Variants in CDPF1 observed in about 807,000 individuals in gnomAD.
The protein encoded by CDPF1 is cysteine-rich DPF motif domain-containing protein 1.
In CDPF1, 8 loss-of-function variants were observed where a neutral mutation model predicts 8.3. The ratio of observed to expected loss-of-function variants is 0.96; its 90% confidence interval spans 0.57 to 1.74. The LOEUF is 1.74. Among genes scored for constraint, CDPF1 ranks in the 40% most tolerant of loss-of-function variants. CDPF1 has a pLI of 0.00. For synonymous variants in CDPF1, 62 were observed against 62.9 expected (o/e 0.99, Z 0.07); for missense variants, 151 against 155.3 (o/e 0.97, Z 0.15).
In CDPF1 at chr22:46,248,411, T is replaced by G; in HGVS notation, c.1-127A>C. 1.7e-6 allele frequency: 1 copy of G among 594,262 alleles called. No individual in the cohort carries two copies. The highest frequency in any genetic ancestry group is 2.1e-5 in the South Asian group (1 of 47,124). 36.8% of individuals were successfully genotyped at this position (594,262 alleles called of 1,614,324 possible). ...TTTCTTGCCTCCCTACCGTACCCTT[T>G]TCTCTATCCCCAGCTGAAACAGGTT... On this transcript the variant is annotated intron_variant, in intron 1 of 3. Transcript: ENST00000314567. This position sits in a 1 kb window ranked among gnomAD's most constrained non-coding sequence, Gnocchi z 4.1.
Position 46,245,248 on chromosome 22 carries a change from G to A in CDPF1, c.226-10C>T. 6.2e-7 allele frequency: 1 copy of A among 1,613,716 alleles called. No individual in the cohort carries two copies. Among genetic ancestry groups the A allele is most frequent in the Non-Finnish European group, 8.5e-7 (1 of 1,179,678 alleles). On this transcript the variant is annotated splice_polypyrimidine_tract_variant and intron_variant, in intron 3 of 3. Transcript: ENST00000314567. The surrounding 1 kb of genome is among the most constrained non-coding windows in gnomAD (Gnocchi z 6.9). Reference sequence around the variant, plus strand: ...AGAATAAACTGCATTCCTTAAAGAAGTGGACAAGGATGGAGGCTTGAGTAT... The same window carrying A: ...AGAATAAACTGCATTCCTTAAAGAAATGGACAAGGATGGAGGCTTGAGTAT...
At position 46,245,323 on chromosome 22, in the gene CDPF1, G is replaced by C; in HGVS notation, c.226-85C>G. ...CCAGGGGCCAGCCCTTCCCACACTT[G>C]GGGGGCTGGGCTGGGGCCCCAGCAT... On this transcript the variant is annotated intron_variant, in intron 3 of 3. Coordinates refer to ENST00000314567, the MANE Select transcript of CDPF1 (RefSeq NM_207327.5). This position sits in a 1 kb window ranked among gnomAD's most constrained non-coding sequence, Gnocchi z 6.9. 1 of 1,500,634 alleles carries C rather than the reference G, an allele frequency of 6.7e-7. No homozygotes were observed. Among genetic ancestry groups the C allele is most frequent in the Non-Finnish European group, 9.1e-7 (1 of 1,104,396 alleles). The allele number at this position is 1,500,634 out of a possible 1,614,324, so 93.0% of individuals were successfully genotyped here. A position where few individuals can be genotyped will look rare whatever the true frequency, so the allele number is the denominator to read the frequency against.
chr22:46,247,050 GGAGAGC>G lies in CDPF1; in HGVS notation c.225+54_225+59del. ...CTCTCTCCCAGCCCTCCCTACCCAG[GGAGAGC>G]TCCAGGATAACCACAGCAAGGACAG... On this transcript the variant is annotated intron_variant, in intron 3 of 3. Coordinates refer to ENST00000314567, the MANE Select transcript of CDPF1 (RefSeq NM_207327.5). This position sits in a 1 kb window ranked among gnomAD's most constrained non-coding sequence, Gnocchi z 4.3. The G allele has an allele frequency of 6.9e-7, 1 of 1,451,604 alleles. No individual in the cohort carries two copies. Among genetic ancestry groups the G allele is most frequent in the Non-Finnish European group, 9.6e-7 (1 of 1,044,678 alleles). The allele number at this position is 1,451,604 out of a possible 1,614,324, so 89.9% of individuals were successfully genotyped here.
rs970339324 is a variant in CDPF1 at position 46,245,661 on chromosome 22, C to G, written c.226-423G>C. On this transcript the variant is annotated intron_variant, in intron 3 of 3. Transcript: ENST00000314567. This position sits in a 1 kb window ranked among gnomAD's most constrained non-coding sequence, Gnocchi z 6.9. ...AGGACAGCCCCACAGACCAAAGACGCCATGGACGAGCCAGCTAGTCTGGGC... is the reference window on the plus strand; with the variant it reads ...AGGACAGCCCCACAGACCAAAGACGGCATGGACGAGCCAGCTAGTCTGGGC... Among the ~76,000 whole-genome samples, 1 of 152,230 alleles carries G rather than the reference C, an allele frequency of 6.6e-6. No homozygotes were observed. The highest frequency in any genetic ancestry group is 1.5e-5 in the Non-Finnish European group (1 of 68,046).
rs1163396801 is a variant in CDPF1 at position 46,246,936 on chromosome 22, G to A, written c.225+174C>T. 4 of 1,410,728 alleles carry A rather than the reference G, an allele frequency of 2.8e-6. No individual in the cohort carries two copies. In the African/African-American group the frequency reaches 5.7e-5, roughly 20 times the overall value. The allele number at this position is 1,410,728 out of a possible 1,614,324, so 87.4% of individuals were successfully genotyped here. ...TATTTCCATTCCTACACCAGGCTGA[G>A]ACCCTCTAACTGACCCTAGCTTGCC... is the stretch of plus-strand genomic sequence containing the variant. On this transcript the variant is annotated intron_variant, in intron 3 of 3. Transcript: ENST00000314567. The surrounding 1 kb of genome is among the most constrained non-coding windows in gnomAD (Gnocchi z 7.1).
chr22:46,244,971 G>A lies in CDPF1; in HGVS notation c.*121C>T. The A allele has an allele frequency of 3.1e-6, 4 of 1,304,266 alleles. No homozygotes were observed. Among genetic ancestry groups the A allele is most frequent in the Non-Finnish European group, 3.2e-6 (3 of 941,978 alleles). The allele number at this position is 1,304,266 out of a possible 1,614,324, so 80.8% of individuals were successfully genotyped here. ...TCCAGCTCCCCTGGGCTGCAGTGCT[G>A]CTCCCAGTGGTCCAGAAACAAGGCC... is the stretch of plus-strand genomic sequence containing the variant. On this transcript the variant is annotated 3_prime_UTR_variant, in exon 4 of 4. Transcript: ENST00000314567. The surrounding 1 kb of genome is among the most constrained non-coding windows in gnomAD (Gnocchi z 6.7).
At position 46,248,050 on chromosome 22, in the gene CDPF1, G is replaced by T; in HGVS notation, c.113+122C>A. 1.6e-6 allele frequency: 1 copy of T among 623,810 alleles called. No homozygotes were observed. The highest frequency in any genetic ancestry group is 2.8e-6 in the Non-Finnish European group (1 of 356,600). The allele number at this position is 623,810 out of a possible 1,614,324, so 38.6% of individuals were successfully genotyped here. A position where few individuals can be genotyped will look rare whatever the true frequency, so the allele number is the denominator to read the frequency against. On this transcript the variant is annotated intron_variant, in intron 2 of 3. Transcript: ENST00000314567. This position sits in a 1 kb window ranked among gnomAD's most constrained non-coding sequence, Gnocchi z 4.1. ...AGAGATTACACCAGAAGCATTCAGAGCCTGGCCAGGGTGGGGTCTAAAGCT... is the reference window on the plus strand; with the variant it reads ...AGAGATTACACCAGAAGCATTCAGATCCTGGCCAGGGTGGGGTCTAAAGCT...
chr22:46,245,494 C>T lies in CDPF1; in HGVS notation c.226-256G>A, dbSNP rs1269072616. ...GGGATGGGACAGAAAGACTCTGGGG[C>T]CTGCTCTGCTCCATCACGGGGCAGT... On this transcript the variant is annotated intron_variant, in intron 3 of 3. Coordinates refer to ENST00000314567, the MANE Select transcript of CDPF1 (RefSeq NM_207327.5). This position sits in a 1 kb window ranked among gnomAD's most constrained non-coding sequence, Gnocchi z 6.9. Among the ~76,000 whole-genome samples the T allele has an allele frequency of 6.6e-6, 1 of 152,184 alleles. No individual in the cohort carries two copies. The highest frequency in any genetic ancestry group is 2.4e-5 in the African/African-American group (1 of 41,442).
Position 46,245,358 on chromosome 22 carries a change from G to A in CDPF1, c.226-120C>T. On this transcript the variant is annotated intron_variant, in intron 3 of 3. Transcript: ENST00000314567. This position sits in a 1 kb window ranked among gnomAD's most constrained non-coding sequence, Gnocchi z 6.9. ...GCTGGGGCCCCAGCATGCACAGTGT[G>A]GGCAGGTGGCCAGAGCTAGACCAGC... 9.6e-7 allele frequency: 1 copy of A among 1,041,074 alleles called. No individual in the cohort carries two copies. The highest frequency in any genetic ancestry group is 1.4e-6 in the Non-Finnish European group (1 of 719,702). The allele number at this position is 1,041,074 out of a possible 1,614,324, so 64.5% of individuals were successfully genotyped here.
rs1217919766 is a variant in CDPF1 at position 46,247,009 on chromosome 22, G to C, written c.225+101C>G. The C allele has an allele frequency of 1.6e-6, 2 of 1,263,298 alleles. No individual in the cohort carries two copies. The highest frequency in any genetic ancestry group is 4.1e-5 in the Admixed American group (2 of 48,530). 78.3% of individuals were successfully genotyped at this position (1,263,298 alleles called of 1,614,324 possible). On this transcript the variant is annotated intron_variant, in intron 3 of 3. Transcript: ENST00000314567. The surrounding 1 kb of genome is among the most constrained non-coding windows in gnomAD (Gnocchi z 4.3). ...GCTGAGGGGCCCCATCTATAATGGG[G>C]TGAACCCGCTGCTCCCTCTCTCCCA...
At position 46,244,997 on chromosome 22, in the gene CDPF1, A is replaced by T; in HGVS notation, c.*95T>A. ...CTCCCAGTGGTCCAGAAACAAGGCC[A>T]GGCATGGCGGCTCCCAGCTCAGCAG... On this transcript the variant is annotated 3_prime_UTR_variant, in exon 4 of 4. Transcript: ENST00000314567. The surrounding 1 kb of genome is among the most constrained non-coding windows in gnomAD (Gnocchi z 6.7). The T allele has an allele frequency of 6.7e-7, 1 of 1,500,102 alleles. No homozygotes were observed. Among genetic ancestry groups the T allele is most frequent in the African/African-American group, 1.4e-5 (1 of 71,992 alleles). 92.9% of individuals were successfully genotyped at this position (1,500,102 alleles called of 1,614,324 possible).
rs1029635798 is a variant in CDPF1, at chr22:46,244,938, A to G, written c.*154T>C. On this transcript the variant is annotated 3_prime_UTR_variant, in exon 4 of 4. Transcript: ENST00000314567. The surrounding 1 kb of genome is among the most constrained non-coding windows in gnomAD (Gnocchi z 6.7). The stretch of plus-strand genomic sequence containing the variant: ...GCTCCCTGGGCCTGTGGCTGCTCCA[A>G]GCTGGACTCCAGCTCCCCTGGGCTG... 3.2e-6 allele frequency: 3 copies of G among 943,442 alleles called. No individual in the cohort carries two copies. In the East Asian group the frequency reaches 7.8e-5, roughly 24 times the overall value. The allele number at this position is 943,442 out of a possible 1,614,324, so 58.4% of individuals were successfully genotyped here.
chr22:46,245,025 T>A lies in CDPF1; in HGVS notation c.*67A>T. ...CATGGCGGCTCCCAGCTCAGCAGCATCCCTGGCGCAGGCTGGCCCAGGAGC... is the reference window on the plus strand; with the variant it reads ...CATGGCGGCTCCCAGCTCAGCAGCAACCCTGGCGCAGGCTGGCCCAGGAGC... On this transcript the variant is annotated 3_prime_UTR_variant, in exon 4 of 4. Coordinates refer to ENST00000314567, the MANE Select transcript of CDPF1 (RefSeq NM_207327.5). The surrounding 1 kb of genome is among the most constrained non-coding windows in gnomAD (Gnocchi z 6.9). 1 of 1,579,068 alleles carries A rather than the reference T, an allele frequency of 6.3e-7. No individual in the cohort carries two copies. The highest frequency in any genetic ancestry group is 8.6e-7 in the Non-Finnish European group (1 of 1,159,636).
Position 46,247,414 on chromosome 22 carries a change from A to C in CDPF1, c.114-193T>G, listed in dbSNP as rs752354002. 6.6e-6 allele frequency among the ~76,000 whole-genome samples: 1 copy of C among 152,158 alleles called. No individual in the cohort carries two copies. Among genetic ancestry groups the C allele is most frequent in the Non-Finnish European group, 1.5e-5 (1 of 68,014 alleles). On this transcript the variant is annotated intron_variant, in intron 2 of 3. Coordinates refer to ENST00000314567, the MANE Select transcript of CDPF1 (RefSeq NM_207327.5). The surrounding 1 kb of genome is among the most constrained non-coding windows in gnomAD (Gnocchi z 4.3). ...GAAAGGATCAGCAATTGGGGGCCAC[A>C]CTGGCACTGAAATTGAACCTGCTCT... is the stretch of plus-strand genomic sequence containing the variant.
Position 46,245,914 on chromosome 22 carries a change from G to A in CDPF1, c.226-676C>T, listed in dbSNP as rs564709194. On this transcript the variant is annotated intron_variant, in intron 3 of 3. Transcript: ENST00000314567. This position sits in a 1 kb window ranked among gnomAD's most constrained non-coding sequence, Gnocchi z 6.9. ...GGACTGTGCTCTCACGTCCCTTCCCGCTGCCTGGGATGCAAATATGATGGT... is the reference window on the plus strand; with the variant it reads ...GGACTGTGCTCTCACGTCCCTTCCCACTGCCTGGGATGCAAATATGATGGT... Among the ~76,000 whole-genome samples the A allele has an allele frequency of 1.1e-4, 17 of 152,154 alleles. No homozygotes were observed. Among genetic ancestry groups the A allele is most frequent in the Non-Finnish European group, 1.8e-4 (12 of 68,032 alleles).
chr22:46,246,640 C>G lies in CDPF1; in HGVS notation c.225+470G>C, dbSNP rs532110648. 18 of 1,545,684 alleles carry G rather than the reference C, an allele frequency of 1.2e-5. No individual in the cohort carries two copies. In the South Asian group the frequency reaches 2.2e-4, roughly 18 times the overall value. On this transcript the variant is annotated intron_variant, in intron 3 of 3. Transcript: ENST00000314567. This position sits in a 1 kb window ranked among gnomAD's most constrained non-coding sequence, Gnocchi z 7.1. ...CCTCTCTGAAGCTCAGTTCCCTCATCTATAAAATGGGTGGAATATAATACT... is the reference window on the plus strand; with the variant it reads ...CCTCTCTGAAGCTCAGTTCCCTCATGTATAAAATGGGTGGAATATAATACT...
chr22:46,245,664 T>C lies in CDPF1; in HGVS notation c.226-426A>G, dbSNP rs1222379200. ...ACAGCCCCACAGACCAAAGACGCCA[T>C]GGACGAGCCAGCTAGTCTGGGCAGG... On this transcript the variant is annotated intron_variant, in intron 3 of 3. Coordinates refer to ENST00000314567, the MANE Select transcript of CDPF1 (RefSeq NM_207327.5). This position sits in a 1 kb window ranked among gnomAD's most constrained non-coding sequence, Gnocchi z 6.9. Among the ~76,000 whole-genome samples the C allele has an allele frequency of 2.0e-5, 3 of 152,168 alleles. No homozygotes were observed. Among genetic ancestry groups the C allele is most frequent in the Admixed American group, 6.5e-5 (1 of 15,290 alleles).
chr22:46,246,890 G>A lies in CDPF1; in HGVS notation c.225+220C>T. 1 of 1,496,498 alleles carries A rather than the reference G, an allele frequency of 6.7e-7. No individual in the cohort carries two copies. The highest frequency in any genetic ancestry group is 9.0e-7 in the Non-Finnish European group (1 of 1,115,264). The allele number at this position is 1,496,498 out of a possible 1,614,324, so 92.7% of individuals were successfully genotyped here. On this transcript the variant is annotated intron_variant, in intron 3 of 3. Transcript: ENST00000314567. The surrounding 1 kb of genome is among the most constrained non-coding windows in gnomAD (Gnocchi z 7.1). ...GGAACCCTGAGGGGCCACTGGGGTG[G>A]GTGCAGAGCCACCAATTACCTATTT...
Position 46,247,844 on chromosome 22 carries a change from G to A in CDPF1, c.113+328C>T, listed in dbSNP as rs73177047. ...CCACTGGCTCTAATCCAGGTCTGCA[G>A]GGGAGACAGGCCTCCCATTAAGAAA... is the stretch of plus-strand genomic sequence containing the variant. On this transcript the variant is annotated intron_variant, in intron 2 of 3. Transcript: ENST00000314567. This position sits in a 1 kb window ranked among gnomAD's most constrained non-coding sequence, Gnocchi z 4.3. Among the ~76,000 whole-genome samples the A allele has an allele frequency of 0.12, 18,217 of 152,264 alleles. 1,809 individuals are homozygous for A. The highest frequency in any genetic ancestry group is 0.27 in the African/African-American group (11,248 of 41,528).
Sources: gnomAD v4.1 joint callset for allele counts (sites outside exome capture counted in the v4.1 genomes callset) on GRCh38, gnomAD v4.1.1 for gene constraint, Gnocchi (gnomAD v3.1) non-coding constraint, MANE v1.5 for transcripts, NCBI Gene and HGNC (gene_info 2026-07-23, HGNC 2026-07-21) for gene names.